Variants in TNS3 observed in about 807,000 individuals in gnomAD.
TNS3 encodes the protein tensin 3.
In TNS3, 45 loss-of-function variants were observed where a neutral mutation model predicts 140.9. The observed-to-expected ratio is 0.32, with a 90% confidence interval of 0.25 to 0.41. The LOEUF is 0.41. TNS3 is among the 10% of genes least tolerant of loss of function. TNS3 has a pLI of 1.00. For synonymous variants in TNS3, 815 were observed against 788.4 expected (o/e 1.03, Z -0.56); for missense variants, 1,716 against 1,906.7 (o/e 0.90, Z 1.86).
Position 47,369,581 on chromosome 7 carries a change from C to T in TNS3, c.1065G>A (p.Ala355=), listed in dbSNP as rs758459348. The T allele has an allele frequency of 3.5e-5, 56 of 1,604,002 alleles. No homozygotes were observed. The highest frequency in any genetic ancestry group is 4.5e-5 in the Non-Finnish European group (53 of 1,174,812). Reference sequence around the variant, plus strand: ...CCGAGGAGCTTTTCTTCCTCACCTTCGCGTAAAGGCTGCCATCGACAGGGC... The same window carrying T: ...CCGAGGAGCTTTTCTTCCTCACCTTTGCGTAAAGGCTGCCATCGACAGGGC... The part of the protein sequence containing the change: ...TQGPVDGSLY[A]KVRKKSSSDP... Residue 355 remains alanine, a synonymous_variant, in exon 17 of 31, where the codon GCG becomes GCA. Transcript: ENST00000311160.
chr7:47,580,976 A>G (rs1414530533), intron 1 of TNS3, among the ~76,000 whole-genome samples: 2 of 152,094 alleles, frequency 1.3e-5, no homozygotes, highest in African/African-American at 4.8e-5. Flanking sequence ...AATGCGCCCC[A>G]AGGAAGCCTG....
chr7:47,455,196 C>T (rs1169599916), intron 4 of TNS3, among the ~76,000 whole-genome samples: 1 of 152,150 alleles, frequency 6.6e-6, no homozygotes, highest in Non-Finnish European at 1.5e-5. Flanking sequence ...GGCCCTGCAG[C>T]CAGCTGGTTC....
chr7:47,395,184 C>T (rs771862367), intron 16 of TNS3, among the ~76,000 whole-genome samples: 90 of 152,104 alleles, frequency 5.9e-4, no homozygotes, highest in Non-Finnish European at 1.1e-3. Flanking sequence ...CCATGAGACT[C>T]GGCACAGCCA....
intron 20 of TNS3, among the ~76,000 whole-genome samples, chr7:47,313,075 C>T (rs1274617394): frequency 6.6e-6 from 1 of 152,110 alleles, no homozygotes; most frequent in East Asian, 1.9e-4. Flanking sequence ...ATGTGAGGTG[C>T]AGCTCTTGAG....
chr7:47,333,020 A>G (rs1006942622), intron 20 of TNS3, among the ~76,000 whole-genome samples: 2 of 152,242 alleles, frequency 1.3e-5, no homozygotes, highest in Non-Finnish European at 2.9e-5. Context: ...AACATTCAGC[A>G]TGGTAGAGAA....
chr7:47,521,319 G>C lies in TNS3; in HGVS notation c.-153+7717C>G, dbSNP rs544772629. On this transcript the variant is annotated intron_variant, in intron 2 of 30. Coordinates refer to ENST00000311160, the MANE Select transcript of TNS3 (RefSeq NM_022748.12). ...TCACTACTCCAGCCCACTAGACTCC[G>C]AGCCCTTCGAAGCCTTGGTCACCGT... Among the ~76,000 whole-genome samples, 10 of 152,242 alleles carry C rather than the reference G, an allele frequency of 6.6e-5. No homozygotes were observed. The South Asian group carries it at 1.9e-3, about 28-fold the overall frequency.
At chr7:47,478,112 GC>G (rs1797262562) in intron 4 of TNS3, among the ~76,000 whole-genome samples, 1 of 152,186 alleles carries the variant, frequency 6.6e-6, no homozygotes, top group Non-Finnish European at 1.5e-5. Flanking sequence ...ATTTGCCAAG[GC>G]CACCCCTGAC....
At chr7:47,518,902 T>C (rs2151912817) in intron 2 of TNS3, among the ~76,000 whole-genome samples, 1 of 152,310 alleles carries the variant, frequency 6.6e-6, no homozygotes, top group South Asian at 2.1e-4. Context: ...GGTTTAACCT[T>C]TGAGCCTCTC....
rs111980987 is a variant in TNS3, at chr7:47,440,072, G to A, written c.-22-414C>T. Among the ~76,000 whole-genome samples, 33 of 152,246 alleles carry A rather than the reference G, an allele frequency of 2.2e-4. 1 individual carries two copies. The highest frequency in any genetic ancestry group is 6.5e-4 in the African/African-American group (27 of 41,538). On this transcript the variant is annotated intron_variant, in intron 5 of 30. Transcript: ENST00000311160. The stretch of plus-strand genomic sequence containing the variant: ...AACCCTGCTCTGAGGTGTCAAGGTC[G>A]GCACGAGGGGGCACCGGGAGGGGGC...
In TNS3 at chr7:47,275,568, G is replaced by T. The variant is rs1054676047; in HGVS notation, c.*2508C>A. 1.5e-4 allele frequency: 49 copies of T among 328,996 alleles called. No individual in the cohort carries two copies. The highest frequency in any genetic ancestry group is 1.0e-3 in the African/African-American group (48 of 46,098). The allele number at this position is 328,996 out of a possible 1,614,324, so 20.4% of individuals were successfully genotyped here. On this transcript the variant is annotated 3_prime_UTR_variant, in exon 31 of 31. Coordinates refer to ENST00000311160, the MANE Select transcript of TNS3 (RefSeq NM_022748.12). ...TGTGGCCCTAGAGCCGGTGTCCACG[G>T]TGGGGGCTCTCTCACGGTTTCTGAG...
At chr7:47,481,515 A>G in intron 3 of TNS3, 1 of 317,686 alleles carries the variant, frequency 3.1e-6, no homozygotes, top group Non-Finnish European at 4.6e-6. Flanking sequence ...AAGGAGGTGG[A>G]AGGCTCTGCC....
intron 17 of TNS3, among the ~76,000 whole-genome samples, chr7:47,350,560 G>A (rs901541723): frequency 3.9e-5 from 6 of 152,178 alleles, no homozygotes; most frequent in African/African-American, 1.4e-4. Flanking sequence ...TGCTCAAGGC[G>A]TTGCTACCGG....
intron 20 of TNS3, among the ~76,000 whole-genome samples, chr7:47,320,017 C>A (rs1211425237): frequency 6.6e-6 from 1 of 152,204 alleles, no homozygotes; most frequent in African/African-American, 2.4e-5. Flanking sequence ...AAACCCTTCA[C>A]TCAGTTAACA....
intron 16 of TNS3, among the ~76,000 whole-genome samples, chr7:47,388,997 AAGAAGG>A (rs1466943548): frequency 0.02 from 904 of 46,344 alleles, 66 homozygotes; most frequent in Non-Finnish European, 0.03. Context: ...GAAGAAGAAG[AAGAAGG>A]AAGAAGAAGA....
chr7:47,539,453 T>C, intron 1 of TNS3: 2 of 284,590 alleles, frequency 7.0e-6, no homozygotes, highest in South Asian at 3.8e-5. Flanking sequence ...TCCGCATTCA[T>C]CAGCAGGCCG....
At chr7:47,398,639 C>T (rs1288369473) in intron 15 of TNS3, among the ~76,000 whole-genome samples, 2 of 152,104 alleles carry the variant, frequency 1.3e-5, no homozygotes, top group Admixed American at 6.5e-5. Flanking sequence ...ATGATAAAAA[C>T]ACTCAACAAA....
At position 47,303,501 on chromosome 7, in the gene TNS3, C is replaced by G; in HGVS notation, c.2906G>C (p.Ser969Thr). The G allele has an allele frequency of 6.2e-7, 1 of 1,609,806 alleles. No individual in the cohort carries two copies. The highest frequency in any genetic ancestry group is 1.3e-5 in the African/African-American group (1 of 75,058). ...SLLGSGRPTG[S>T]PLSAEFSGTR... ...ACCGGAGAACTCAGCGCTGAGGGGA[C>G]TTCCGGTGGGCCGGCCGCTCCCCAG... The change falls in exon 22 of 31, where the codon AGT (serine) becomes ACT (threonine). Residue 969 changes from serine (S) to threonine (T), a missense_variant. Transcript: ENST00000311160.
At chr7:47,324,406 C>T (rs1787915892) in intron 20 of TNS3, among the ~76,000 whole-genome samples, 1 of 152,216 alleles carries the variant, frequency 6.6e-6, no homozygotes, top group Admixed American at 6.5e-5. Context: ...GTGACATTGT[C>T]TTCCTATCCA....
intron 2 of TNS3, among the ~76,000 whole-genome samples, chr7:47,527,480 C>T (rs1799239939): frequency 6.6e-6 from 1 of 152,146 alleles, no homozygotes; most frequent in African/African-American, 2.4e-5. Flanking sequence ...CATCACCTTA[C>T]ACCTGCAGGC....
Sources: gnomAD v4.1 joint callset for allele counts (sites outside exome capture counted in the v4.1 genomes callset) on GRCh38, gnomAD v4.1.1 for gene constraint, MANE v1.5 for transcripts, NCBI Gene and HGNC (gene_info 2026-07-23, HGNC 2026-07-21) for gene names.